Variants in BEX2 observed in about 807,000 individuals in gnomAD.
The protein encoded by BEX2 is protein BEX2.
BEX2 carries 2 observed loss-of-function variants against 4.1 expected under a neutral mutation model. The observed-to-expected ratio is 0.49, with a 90% CI of 0.20 to 1.53. The LOEUF (loss-of-function observed/expected upper bound fraction) is 1.53. Among genes scored for constraint, BEX2 ranks in the 40% most tolerant of loss-of-function variants. The pLI is 0.23. For synonymous variants in BEX2, 34 were observed against 35.9 expected (o/e 0.95, Z 0.19); for missense variants, 94 against 99.9 (o/e 0.94, Z 0.25).
rs764669480 is a variant in BEX2, at chrX:103,309,864, G to A, written c.113C>T (p.Ala38Val). The change falls in exon 3 of 3, where the codon GCC (alanine) becomes GTC (valine). Residue 38 changes from alanine to valine, a missense_variant. By Grantham distance (64) the Ala-to-Val change is moderately conservative. Transcript: ENST00000372677. Reference sequence around the variant, plus strand: ...GTATTCACTAACATTCAAAGGTAGGGCCAAGGGCTCCCCTTTATTAGCAAC... The same window carrying A: ...GTATTCACTAACATTCAAAGGTAGGACCAAGGGCTCCCCTTTATTAGCAAC... ...EQVANKGEPL[A>V]LPLNVSEYCV... The A allele has an allele frequency of 1.7e-6, 2 of 1,211,849 alleles. No individual in the cohort carries two copies. Among genetic ancestry groups the A allele is most frequent in the South Asian group, 1.8e-5 (1 of 56,992 alleles).
Position 103,309,730 on chromosome X carries a change from C to T in BEX2, c.247G>A (p.Glu83Lys). 1 of 1,211,502 alleles carries T rather than the reference C, an allele frequency of 8.3e-7. No individual in the cohort carries two copies. The highest frequency in any genetic ancestry group is 1.1e-6 in the Non-Finnish European group (1 of 895,472). ...TCCTCCCCAATCCTTTCCATATTCT[C>T]CTCTCTCATCCTTGCCTGTGGCTCT... ...LGEPQARMRE[E>K]NMERIGEEVR... The change falls in exon 3 of 3, where the codon GAG becomes AAG. Residue 83 changes from glutamate (E) to lysine (K), a missense_variant. Physicochemically the swap from Glu to Lys is moderately conservative, Grantham distance 56 (BLOSUM62 1). Coordinates refer to ENST00000372677, the MANE Select transcript of BEX2 (RefSeq NM_032621.4).
chrX:103,310,535 C>G, intron 1 of BEX2, 102 bp from the exon 2 acceptor site: 1 of 1,151,105 alleles, frequency 8.7e-7, no homozygotes, highest in Non-Finnish European at 1.2e-6. Context: ...CCGGGCCCTC[C>G]TAGCCGCTCT....
At chrX:103,310,250 G>T in intron 2 of BEX2, 108 bp downstream of exon 2, 2 of 879,668 alleles carry the variant, frequency 2.3e-6, no homozygotes, top group Non-Finnish European at 3.1e-6. Flanking sequence ...CGAAGAAGGG[G>T]TGGGGGTGGG....
At position 103,309,808 on chromosome X, in the gene BEX2, G is replaced by C; in HGVS notation, c.169C>G (p.Arg57Gly). ...TACTGCAGGATGGGCTGCCTAACGC[G>C]GAACCGCCTACGGTTTCCTCTAGGC... ...CVPRGNRRRFRVRQPILQYRW... is the reference protein window; with the variant it reads ...CVPRGNRRRFGVRQPILQYRW... The change falls in exon 3 of 3, where the codon CGC (arginine) becomes GGC (glycine). Residue 57 changes from arginine to glycine, a missense_variant. Arg to Gly is a moderately radical substitution (Grantham distance 125). Coordinates refer to ENST00000372677, the MANE Select transcript of BEX2 (RefSeq NM_032621.4). The C allele has an allele frequency of 2.5e-6, 3 of 1,211,910 alleles. No homozygotes were observed. The highest frequency in any genetic ancestry group is 3.3e-6 in the Non-Finnish European group (3 of 895,558).
At chrX:103,310,247 G>T in intron 2 of BEX2, 111 bp downstream of exon 2, 1 of 857,825 alleles carries the variant, frequency 1.2e-6, no homozygotes, top group East Asian at 3.5e-5. Context: ...GGACGAAGAA[G>T]GGGTGGGGGT....
intron 1 of BEX2, chrX:103,310,652 T>C: frequency 8.7e-7 from 1 of 1,144,807 alleles, no homozygotes; most frequent in Non-Finnish European, 1.2e-6. Flanking sequence ...CGGAGGCAGG[T>C]GCTTCCGAAA....
At chrX:103,310,534 C>T (rs1043842693) in intron 1 of BEX2, 101 bp from the exon 2 acceptor site, 2 of 1,149,112 alleles carry the variant, frequency 1.7e-6, no homozygotes, top group Non-Finnish European at 1.2e-6. Context: ...CCCGGGCCCT[C>T]CTAGCCGCTC....
chrX:103,310,622 G>T, intron 1 of BEX2, 189 bp from the exon 2 acceptor site: 1 of 1,155,423 alleles, frequency 8.7e-7, no homozygotes, highest in Non-Finnish European at 1.1e-6. Context: ...CAGGGGTGTT[G>T]GAAAAGCTTG....
At position 103,309,613 on chromosome X, in the gene BEX2, C is replaced by A. The variant is rs779579133; in HGVS notation, c.364G>T (p.Asp122Tyr). The A allele has an allele frequency of 1.7e-6, 2 of 1,211,049 alleles. No homozygotes were observed. Among genetic ancestry groups the A allele is most frequent in the South Asian group, 3.5e-5 (2 of 56,869 alleles). Reference protein sequence around the residue: ...STDPPHHDHHDEFCLMP With the variant: ...STDPPHHDHHYEFCLMP Reference sequence around the variant, plus strand: ...ATTCAGGGCATAAGGCAAAACTCATCGTGATGGTCATGGTGAGGGGGATCA... The same window carrying A: ...ATTCAGGGCATAAGGCAAAACTCATAGTGATGGTCATGGTGAGGGGGATCA... Residue 122 changes from aspartate to tyrosine, a missense_variant, in exon 3 of 3, where the codon GAT becomes TAT. Coordinates refer to ENST00000372677, the MANE Select transcript of BEX2 (RefSeq NM_032621.4).
Position 103,310,764 on chromosome X carries a change from C to A in BEX2, c.-82+96G>T, listed in dbSNP as rs149179126. On this transcript the variant is annotated intron_variant, in intron 1 of 2. Coordinates refer to ENST00000372677, the MANE Select transcript of BEX2 (RefSeq NM_032621.4). Reference sequence around the variant, plus strand: ...GGGGCCCCGGGGCTGCATCGTGGACCGGCTGCGTCTCCGCGCTGCTGCCCG... The same window carrying A: ...GGGGCCCCGGGGCTGCATCGTGGACAGGCTGCGTCTCCGCGCTGCTGCCCG... 253 of 553,350 alleles carry A rather than the reference C, an allele frequency of 4.6e-4. 4 individuals carry two copies. In the East Asian group the frequency reaches 0.01, roughly 22 times the overall value. 45.6% of individuals were successfully genotyped at this position (553,350 alleles called of 1,213,427 possible). A position where few individuals can be genotyped will look rare whatever the true frequency, so the allele number is the denominator to read the frequency against.
chrX:103,310,720 A>C, intron 1 of BEX2, 140 bp downstream of exon 1: 1 of 892,656 alleles, frequency 1.1e-6, no homozygotes. Flanking sequence ...CGCTCACACA[A>C]GGCTCGCGGT....
In BEX2 at chrX:103,310,846, T is replaced by G. The variant is rs1327055941; in HGVS notation, c.-82+14A>C. 1 of 347,442 alleles carries G rather than the reference T, an allele frequency of 2.9e-6. No individual in the cohort carries two copies. The highest frequency in any genetic ancestry group is 6.4e-5 in the South Asian group (1 of 15,554). The allele number at this position is 347,442 out of a possible 1,213,427, so 28.6% of individuals were successfully genotyped here. A position where few individuals can be genotyped will look rare whatever the true frequency, so the allele number is the denominator to read the frequency against. On this transcript the variant is annotated intron_variant, in intron 1 of 2. Transcript: ENST00000372677. ...CCCCACACCAACCCCAGGGACCCCCTCCGGGTCCCTTACCTGCTCCCCCTC... is the reference window on the plus strand; with the variant it reads ...CCCCACACCAACCCCAGGGACCCCCGCCGGGTCCCTTACCTGCTCCCCCTC...
At chrX:103,310,104 AT>A in intron 2 of BEX2, 123 bp from the exon 3 acceptor site, 12 of 909,194 alleles carry the variant, frequency 1.3e-5, no homozygotes, top group Admixed American at 7.1e-5. Flanking sequence ...TTTAAATTTC[AT>A]TTTTTTTCCA....
At chrX:103,310,791 G>C in intron 1 of BEX2, 69 bp downstream of exon 1, 1 of 465,231 alleles carries the variant, frequency 2.1e-6, no homozygotes, top group East Asian at 4.3e-5. Flanking sequence ...TGCTGCCCGG[G>C]GATGGGGCAT....
At chrX:103,310,586 C>T in intron 1 of BEX2, 153 bp from the exon 2 acceptor site, 1 of 1,156,187 alleles carries the variant, frequency 8.6e-7, no homozygotes, top group African/African-American at 1.8e-5. Context: ...AGCTGACCAC[C>T]ATTTTCTGCA....
chrX:103,310,743 C>T lies in BEX2; in HGVS notation c.-82+117G>A, dbSNP rs756923063. ...CAAGGCTCGCGGTCCCGCGGCGGGG[C>T]CCCGGGGCTGCATCGTGGACCGGCT... is the stretch of plus-strand genomic sequence containing the variant. On this transcript the variant is annotated intron_variant, in intron 1 of 2. Coordinates refer to ENST00000372677, the MANE Select transcript of BEX2 (RefSeq NM_032621.4). 23 of 717,229 alleles carry T rather than the reference C, an allele frequency of 3.2e-5. No homozygotes were observed. In the East Asian group the frequency reaches 6.6e-4, roughly 21 times the overall value. The allele number at this position is 717,229 out of a possible 1,213,427, so 59.1% of individuals were successfully genotyped here.
chrX:103,309,874 C>T lies in BEX2; in HGVS notation c.103G>A (p.Glu35Lys). ...ACATTCAAAGGTAGGGCCAAGGGCTCCCCTTTATTAGCAACTTGCTCCTTT... is the reference window on the plus strand; with the variant it reads ...ACATTCAAAGGTAGGGCCAAGGGCTTCCCTTTATTAGCAACTTGCTCCTTT... ...DEKEQVANKG[E>K]PLALPLNVSE... The change falls in exon 3 of 3, where the codon GAG (glutamate) becomes AAG (lysine). Residue 35 changes from glutamate to lysine, a missense_variant. Coordinates refer to ENST00000372677, the MANE Select transcript of BEX2 (RefSeq NM_032621.4). 1.7e-6 allele frequency: 2 copies of T among 1,211,742 alleles called. No individual in the cohort carries two copies. The highest frequency in any genetic ancestry group is 2.2e-6 in the Non-Finnish European group (2 of 895,533).
chrX:103,310,033 G>A lies in BEX2; in HGVS notation c.-5-52C>T, dbSNP rs1053571015. ...AATTCTTGGTGAACTGATCAGCACC[G>A]AGGACAGAGGCCCGACTACCCACCT... On this transcript the variant is annotated intron_variant, in intron 2 of 2. Transcript: ENST00000372677. 71 of 1,101,761 alleles carry A rather than the reference G, an allele frequency of 6.4e-5. No individual in the cohort carries two copies. In the African/African-American group the frequency reaches 1.1e-3, roughly 17 times the overall value. 90.8% of individuals were successfully genotyped at this position (1,101,761 alleles called of 1,213,427 possible).
Position 103,309,440 on chromosome X carries a change from T to C in BEX2, c.*150A>G. On this transcript the variant is annotated 3_prime_UTR_variant, in exon 3 of 3. Coordinates refer to ENST00000372677, the MANE Select transcript of BEX2 (RefSeq NM_032621.4). ...CTCCTGCTGACAGAAACTTACAAAC[T>C]GGGTCAAAAACAACATTCATTTAGA... 1.1e-6 allele frequency: 1 copy of C among 891,851 alleles called. No homozygotes were observed. The highest frequency in any genetic ancestry group is 3.1e-5 in the South Asian group (1 of 32,736). 73.5% of individuals were successfully genotyped at this position (891,851 alleles called of 1,213,427 possible).
Sources: gnomAD v4.1 joint callset for allele counts on GRCh38, gnomAD v4.1.1 for gene constraint, MANE v1.5 for transcripts, NCBI Gene and HGNC (gene_info 2026-07-23, HGNC 2026-07-21) for gene names.